IL17RA: variants seen among roughly 807,000 people sequenced by gnomAD.
IL17RA encodes interleukin 17 receptor A.
In IL17RA, 34 loss-of-function variants were observed where a neutral mutation model predicts 50.4. That is an observed-to-expected ratio of 0.67 (90% confidence interval 0.51 to 0.90). IL17RA has a LOEUF of 0.90. IL17RA is among the 40% of genes least tolerant of loss of function. The pLI is 0.00. For missense variants in IL17RA, 1,276 were observed against 1,169.8 expected (o/e 1.09, Z -1.32); for synonymous variants, 585 against 510.4 (o/e 1.15, Z -1.97).
intron 4 of IL17RA, among the ~76,000 whole-genome samples, chr22:17,100,003 C>A (rs560612088): frequency 2.0e-5 from 3 of 152,052 alleles, no homozygotes; most frequent in Admixed American, 6.6e-5. Flanking sequence ...TCTCCATAGC[C>A]CCAAGTCCCC....
At chr22:17,098,011 T>C in intron 3 of IL17RA, 68 bp downstream of exon 3, 2 of 1,591,654 alleles carry the variant, frequency 1.3e-6, no homozygotes, top group South Asian at 2.2e-5. Context: ...CCAGTCAGGC[T>C]CAGGATTGGG....
intron 11 of IL17RA, among the ~76,000 whole-genome samples, chr22:17,107,231 C>T (rs1466147076): frequency 2.0e-5 from 3 of 152,120 alleles, no homozygotes; most frequent in Admixed American, 2.0e-4. Flanking sequence ...TGCATGTCTT[C>T]TGTAAAGACA....
At chr22:17,097,203 C>G in intron 2 of IL17RA, 117 bp downstream of exon 2, 1 of 979,298 alleles carries the variant, frequency 1.0e-6, no homozygotes, top group East Asian at 2.4e-5. Flanking sequence ...TGAGCTACAG[C>G]CATCCGCAGG....
intron 1 of IL17RA, among the ~76,000 whole-genome samples, chr22:17,096,412 G>A (rs2061368244): frequency 6.6e-6 from 1 of 152,142 alleles, no homozygotes; most frequent in Admixed American, 6.5e-5. Context: ...CACAGAAACT[G>A]TAAATATTGC....
At chr22:17,093,505 C>T (rs2061354975) in intron 1 of IL17RA, 1 of 152,260 alleles carries the variant, frequency 6.6e-6, no homozygotes, top group Admixed American at 6.5e-5. Context: ...GAAGTTCCTC[C>T]ACTCAGCACA....
At chr22:17,090,882 A>T (rs143499489) in intron 1 of IL17RA, among the ~76,000 whole-genome samples, 1 of 152,276 alleles carries the variant, frequency 6.6e-6, no homozygotes, top group East Asian at 1.9e-4. Context: ...CACTTGCATA[A>T]TGTTTCATGT....
intron 1 of IL17RA, among the ~76,000 whole-genome samples, chr22:17,086,164 C>G (rs1372112379): frequency 6.6e-6 from 1 of 152,084 alleles, no homozygotes; most frequent in Non-Finnish European, 1.5e-5. Flanking sequence ...AGCAAAACGC[C>G]GTGCCCCTCC....
intron 3 of IL17RA, 70 bp from the exon 4 acceptor site, chr22:17,098,705 G>A (rs1336488558): frequency 3.3e-6 from 4 of 1,214,768 alleles, no homozygotes; most frequent in Non-Finnish European, 4.9e-6. Context: ...AACAGATAGG[G>A]AAGTGACACA....
chr22:17,109,897 T>C lies in IL17RA; in HGVS notation c.*77T>C, dbSNP rs1218219344. 12 of 1,270,812 alleles carry C rather than the reference T, an allele frequency of 9.4e-6. No homozygotes were observed. The highest frequency in any genetic ancestry group is 1.5e-5 in the African/African-American group (1 of 66,968). The allele number at this position is 1,270,812 out of a possible 1,614,324, so 78.7% of individuals were successfully genotyped here. On this transcript the variant is annotated 3_prime_UTR_variant, in exon 13 of 13. Transcript: ENST00000319363. ...GTGCACGTATTCATCTGTGTGTACA[T>C]GTCTGCATGTGTATATGTTCGTGTG...
In IL17RA at chr22:17,108,295, T is replaced by C; in HGVS notation, c.1088-12T>C. The C allele has an allele frequency of 1.2e-6, 2 of 1,613,826 alleles. No homozygotes were observed. Among genetic ancestry groups the C allele is most frequent in the Non-Finnish European group, 1.7e-6 (2 of 1,179,930 alleles). ...GGGGTGAGGGTCAGCATGTGTGGTC[T>C]TGTTTCCTTAGATGGCCTGCCTGCG... On this transcript the variant is annotated splice_polypyrimidine_tract_variant and intron_variant, in intron 12 of 12. Transcript: ENST00000319363.
intron 1 of IL17RA, among the ~76,000 whole-genome samples, chr22:17,094,689 C>CTATATATATA (rs1435523726): frequency 1.8e-4 from 7 of 39,300 alleles, no homozygotes; most frequent in Non-Finnish European, 2.2e-4. Flanking sequence ...CTCTCTCTCT[C>CTATATATATA]TCTATATATA....
Position 17,109,142 on chromosome 22 carries a change from G to A in IL17RA, c.1923G>A (p.Glu641=). ...TGGCCATAGACCCGCTGGTCGGGGAGGAAGGAGGAGCAGCAGTGGCAAAGC... is the reference window on the plus strand; with the variant it reads ...TGGCCATAGACCCGCTGGTCGGGGAAGAAGGAGGAGCAGCAGTGGCAAAGC... ...ACLAIDPLVG[E]EGGAAVAKLE... is the part of the protein sequence containing the mutation. The change falls in exon 13 of 13, where the codon GAG becomes GAA. Residue 641 remains glutamate, a synonymous_variant. Coordinates refer to ENST00000319363, the MANE Select transcript of IL17RA (RefSeq NM_014339.7). 2 of 1,537,558 alleles carry A rather than the reference G, an allele frequency of 1.3e-6. No homozygotes were observed. Among genetic ancestry groups the A allele is most frequent in the Non-Finnish European group, 1.7e-6 (2 of 1,148,422 alleles).
chr22:17,085,983 C>G (rs188269179), intron 1 of IL17RA, among the ~76,000 whole-genome samples: 1 of 152,182 alleles, frequency 6.6e-6, no homozygotes, highest in Admixed American at 6.5e-5. Flanking sequence ...ACTCCCACCC[C>G]CGACTACCAC....
rs2061461493 is a variant in IL17RA, at chr22:17,115,017, G to C, written c.*5197G>C. ...CCTTAGGGCAAGAACTGCATGGCCA[G>C]ACTCAGGCAAGGCCTAGGTGTGGGC... On this transcript the variant is annotated 3_prime_UTR_variant, in exon 13 of 13. Coordinates refer to ENST00000319363, the MANE Select transcript of IL17RA (RefSeq NM_014339.7). The C allele has an allele frequency of 6.6e-6, 1 of 152,276 alleles. No homozygotes were observed. The highest frequency in any genetic ancestry group is 2.4e-5 in the African/African-American group (1 of 41,464). 9.4% of individuals were successfully genotyped at this position (152,276 alleles called of 1,614,324 possible).
At chr22:17,094,691 C>CTATATATA (rs1188416715) in intron 1 of IL17RA, among the ~76,000 whole-genome samples, 7 of 24,700 alleles carry the variant, frequency 2.8e-4, no homozygotes, top group African/African-American at 6.8e-4. Context: ...CTCTCTCTCT[C>CTATATATA]TATATATATA....
Position 17,106,673 on chromosome 22 carries a change from T to C in IL17RA, c.1045+719T>C, listed in dbSNP as rs528570842. Among the ~76,000 whole-genome samples, 5 of 152,318 alleles carry C rather than the reference T, an allele frequency of 3.3e-5. No individual in the cohort carries two copies. The South Asian group carries it at 8.3e-4, about 25-fold the overall frequency. The stretch of plus-strand genomic sequence containing the variant: ...TGACCCTAGGCTGCTCCTTCCGTCA[T>C]CTGGGAAGCTGTTTCCACCCTTCCC... On this transcript the variant is annotated intron_variant, in intron 11 of 12. Transcript: ENST00000319363.
chr22:17,104,776 G>C lies in IL17RA; in HGVS notation c.897G>C (p.Ala299=). 2 of 1,614,112 alleles carry C rather than the reference G, an allele frequency of 1.2e-6. No individual in the cohort carries two copies. The highest frequency in any genetic ancestry group is 1.7e-6 in the Non-Finnish European group (2 of 1,179,984). Residue 299 remains alanine, a synonymous_variant, in exon 9 of 13, where the codon GCG becomes GCC. Coordinates refer to ENST00000319363, the MANE Select transcript of IL17RA (RefSeq NM_014339.7). ...SCLNDCLRHS[A]TVSCPEMPDT... is the part of the protein sequence containing the mutation. ...TCAATGACTGCCTCAGACACTCCGC[G>C]ACTGTTTCCTGCCCAGAAATGCCAG...
intron 1 of IL17RA, among the ~76,000 whole-genome samples, chr22:17,094,685 C>A (rs1337555301): frequency 0.24 from 10,835 of 44,510 alleles, 2,205 homozygotes; most frequent in Non-Finnish European, 0.33. Flanking sequence ...CTCTCTCTCT[C>A]TCTCTCTATA....
At chr22:17,091,274 T>C (rs1457188234) in intron 1 of IL17RA, among the ~76,000 whole-genome samples, 3 of 152,228 alleles carry the variant, frequency 2.0e-5, no homozygotes, top group African/African-American at 7.2e-5. Context: ...CATACCTTTT[T>C]CTGATAATTT....
Sources: gnomAD v4.1 joint callset for allele counts (sites outside exome capture counted in the v4.1 genomes callset) on GRCh38, gnomAD v4.1.1 for gene constraint, MANE v1.5 for transcripts, NCBI Gene and HGNC (gene_info 2026-07-23, HGNC 2026-07-21) for gene names.